Variants in TRAPPC9 observed in about 807,000 individuals in gnomAD.
TRAPPC9 encodes trafficking protein particle complex subunit 9.
TRAPPC9 carries 83 observed loss-of-function variants against 124.0 expected under a neutral mutation model. The observed-to-expected ratio is 0.67, with a 90% CI of 0.56 to 0.80. The LOEUF is 0.80. Ranked by LOEUF, TRAPPC9 falls within the 30% of genes least tolerant of loss-of-function variation. The pLI is 0.00. For missense variants in TRAPPC9, 1,302 were observed against 1,508.3 expected (o/e 0.86, Z 2.27); for synonymous variants, 638 against 617.5 (o/e 1.03, Z -0.49).
intron 19 of TRAPPC9, among the ~76,000 whole-genome samples, chr8:139,937,584 G>T (rs79881896): frequency 6.6e-6 from 1 of 152,060 alleles, no homozygotes; most frequent in East Asian, 1.9e-4. Context: ...GAGAGAGGGA[G>T]GATCAATGTA....
At chr8:140,457,845 A>C, upstream of TRAPPC9, 2 of 1,088,754 alleles carry the variant, frequency 1.8e-6, no homozygotes, top group Non-Finnish European at 2.2e-6. Context: ...GCAAGGGGGT[A>C]GGAGCGAGGG....
At chr8:140,232,116 C>T (rs962169207) in intron 16 of TRAPPC9, among the ~76,000 whole-genome samples, 4 of 151,680 alleles carry the variant, frequency 2.6e-5, no homozygotes, top group Non-Finnish European at 5.9e-5. Flanking sequence ...ATGGGTCTTG[C>T]TATGTTGCCC....
chr8:139,934,263 C>A (rs1466342069), intron 19 of TRAPPC9, among the ~76,000 whole-genome samples: 1 of 150,976 alleles, frequency 6.6e-6, no homozygotes, highest in East Asian at 2.0e-4. Flanking sequence ...GGCTGAATCC[C>A]TGACTTCAAG....
chr8:139,765,038 C>T (rs578254808), intron 21 of TRAPPC9, among the ~76,000 whole-genome samples: 8 of 152,298 alleles, frequency 5.3e-5, no homozygotes, highest in South Asian at 4.1e-4. Flanking sequence ...GGAGACACTC[C>T]GTCACCTTCT....
At chr8:139,806,022 C>G (rs1824026729) in intron 21 of TRAPPC9, 1 of 152,256 alleles carries the variant, frequency 6.6e-6, no homozygotes, top group African/African-American at 2.4e-5. Flanking sequence ...CTCAGTGGAA[C>G]AGTCAAGGGC....
chr8:139,932,237 T>A (rs930927181), intron 19 of TRAPPC9: 1 of 436,870 alleles, frequency 2.3e-6, no homozygotes, highest in Admixed American at 2.4e-5. Flanking sequence ...CACTTCGCCG[T>A]GCAGCCGAGG....
chr8:139,904,160 T>C (rs961684301), intron 20 of TRAPPC9, among the ~76,000 whole-genome samples: 1 of 152,190 alleles, frequency 6.6e-6, no homozygotes, highest in African/African-American at 2.4e-5. Flanking sequence ...TGGCACATGG[T>C]AGAGCCTCAA....
chr8:139,947,079 G>A (rs1834274117), intron 19 of TRAPPC9, among the ~76,000 whole-genome samples: 1 of 152,180 alleles, frequency 6.6e-6, no homozygotes, highest in Admixed American at 6.5e-5. Flanking sequence ...AGAGAAATGA[G>A]TTGGTAATTA....
chr8:140,343,469 A>AC (rs1332092769), intron 9 of TRAPPC9, among the ~76,000 whole-genome samples: 4 of 152,260 alleles, frequency 2.6e-5, no homozygotes, highest in Admixed American at 6.5e-5. Context: ...CTTGGGAAAT[A>AC]CTGCCACCCA....
intron 18 of TRAPPC9, among the ~76,000 whole-genome samples, chr8:139,996,312 T>C (rs917021272): frequency 6.6e-6 from 1 of 151,846 alleles, no homozygotes; most frequent in Non-Finnish European, 1.5e-5. Context: ...ATCTCACTAA[T>C]ACTCAGAGAA....
chr8:140,378,118 TTA>T (rs2068499345), intron 7 of TRAPPC9, among the ~76,000 whole-genome samples: 1 of 152,216 alleles, frequency 6.6e-6, no homozygotes, highest in African/African-American at 2.4e-5. Context: ...CCAGAAGGAC[TTA>T]TGTTTTTCTG....
intron 17 of TRAPPC9, among the ~76,000 whole-genome samples, chr8:140,143,370 T>C (rs2061409637): frequency 6.6e-6 from 1 of 151,798 alleles, no homozygotes; most frequent in African/African-American, 2.4e-5. Context: ...CTCACTCTTA[T>C]AGTCTACATA....
At chr8:139,886,005 A>G in intron 20 of TRAPPC9, 36 bp from the exon 21 acceptor site, 3 of 1,542,680 alleles carry the variant, frequency 1.9e-6, no homozygotes, top group Non-Finnish European at 2.6e-6. Context: ...ACTCCTGCGG[A>G]GCCCAGGGAC....
intron 21 of TRAPPC9, among the ~76,000 whole-genome samples, chr8:139,836,016 TTA>T (rs141839274): frequency 0.21 from 31,198 of 150,056 alleles, 4,445 homozygotes; most frequent in African/African-American, 0.39. Context: ...ATTTATTTAT[TTA>T]TTTTTTTTGA....
rs1258950973 is a variant in TRAPPC9 at position 139,728,291 on chromosome 8, G to A, written c.*2770C>T. On this transcript the variant is annotated 3_prime_UTR_variant, in exon 23 of 23. Transcript: ENST00000438773. ...TCACCGGGCCTGTCCTGGCCCTGAG[G>A]GACCAAGGATCAGAAGGGCAGAACC... Among the ~76,000 whole-genome samples the A allele has an allele frequency of 6.6e-6, 1 of 152,170 alleles. No homozygotes were observed. Among genetic ancestry groups the A allele is most frequent in the Non-Finnish European group, 1.5e-5 (1 of 68,030 alleles).
intron 17 of TRAPPC9, among the ~76,000 whole-genome samples, chr8:140,204,367 G>A (rs980162768): frequency 7.3e-5 from 11 of 150,740 alleles, no homozygotes; most frequent in Admixed American, 5.3e-4. Context: ...ACAAACTATC[G>A]CAAGGACAGA....
In TRAPPC9 at chr8:140,405,873, T is replaced by C. The variant is rs544606014; in HGVS notation, c.887-175A>G. On this transcript the variant is annotated intron_variant, in intron 5 of 22. Coordinates refer to ENST00000438773, the MANE Select transcript of TRAPPC9 (RefSeq NM_001160372.4). ...CTATAATAGCCTTGCTATCAAAGCA[T>C]TGTATTAAATGTTGGTTAACTCAAA... Among the ~76,000 whole-genome samples the C allele has an allele frequency of 1.2e-4, 19 of 152,372 alleles. No individual in the cohort carries two copies. The South Asian group carries it at 1.7e-3, about 13-fold the overall frequency.
At chr8:140,101,546 T>C (rs1203553353) in intron 17 of TRAPPC9, among the ~76,000 whole-genome samples, 3 of 138,222 alleles carry the variant, frequency 2.2e-5, no homozygotes, top group African/African-American at 8.2e-5. Flanking sequence ...TTTTTGTTTT[T>C]TTTTTTTTTT....
At chr8:140,135,311 A>T (rs992972587) in intron 17 of TRAPPC9, among the ~76,000 whole-genome samples, 1 of 152,226 alleles carries the variant, frequency 6.6e-6, no homozygotes, top group African/African-American at 2.4e-5. Context: ...CCACTCCCAG[A>T]TGTATACCTC....
Sources: allele counts gnomAD v4.1 joint callset (sites outside exome capture counted in the v4.1 genomes callset), GRCh38; gene constraint gnomAD v4.1.1; transcripts MANE v1.5; gene names NCBI Gene and HGNC (gene_info 2026-07-23, HGNC 2026-07-21).